KCNQ5: variants seen among roughly 807,000 people sequenced by gnomAD.
The protein encoded by KCNQ5 is potassium voltage-gated channel subfamily KQT member 5.
Under a neutral mutation model 98.2 loss-of-function variants are expected in KCNQ5, and 30 were observed. The ratio of observed to expected loss-of-function variants is 0.31; its 90% CI spans 0.23 to 0.41. The LOEUF is 0.41. KCNQ5 is among the 10% of genes least tolerant of loss of function. KCNQ5 has a pLI of 1.00. For missense variants in KCNQ5, 835 were observed against 1,182.5 expected (o/e 0.71, Z 4.31); for synonymous variants, 458 against 449.4 (o/e 1.02, Z -0.24).
chr6:72,646,645 A>G (rs1765609806), intron 1 of KCNQ5, among the ~76,000 whole-genome samples: 6 of 152,312 alleles, frequency 3.9e-5, no homozygotes, highest in Admixed American at 2.6e-4. Flanking sequence ...TGTTCTGCCA[A>G]TCCAGCCTTG....
At chr6:73,077,527 CA>C (rs1447676089) in intron 4 of KCNQ5, 30 bp downstream of exon 4, 1 of 1,579,874 alleles carries the variant, frequency 6.3e-7, no homozygotes, top group Admixed American at 1.9e-5. Flanking sequence ...TTTAAAAACA[CA>C]ATTTTTGAAA....
chr6:73,178,868 A>C, intron 11 of KCNQ5, among the ~76,000 whole-genome samples: 1 of 152,368 alleles, frequency 6.6e-6, no homozygotes, highest in Middle Eastern at 3.4e-3. Context: ...ATGTATTAAC[A>C]AGAAAACAAC....
intron 9 of KCNQ5, among the ~76,000 whole-genome samples, chr6:73,128,329 T>C (rs1776079020): frequency 6.6e-6 from 1 of 152,252 alleles, no homozygotes; most frequent in Non-Finnish European, 1.5e-5. Context: ...TGGTGGTAAA[T>C]GTGTTTATTG....
chr6:72,682,967 A>G (rs1486452736), intron 1 of KCNQ5, among the ~76,000 whole-genome samples: 2 of 152,094 alleles, frequency 1.3e-5, no homozygotes, highest in Non-Finnish European at 2.9e-5. Flanking sequence ...ATGTCTCACT[A>G]CCTTCTCTGG....
chr6:72,784,474 G>A (rs1773638984), intron 1 of KCNQ5, among the ~76,000 whole-genome samples: 1 of 152,162 alleles, frequency 6.6e-6, no homozygotes, highest in African/African-American at 2.4e-5. Context: ...ATGAGGTAAT[G>A]TATTCACTGC....
intron 1 of KCNQ5, among the ~76,000 whole-genome samples, chr6:72,772,274 A>G (rs1772936872): frequency 1.3e-5 from 2 of 152,160 alleles, no homozygotes; most frequent in Admixed American, 1.3e-4. Flanking sequence ...TGTAGACCTG[A>G]ACTTATAATC....
At chr6:73,126,786 CT>C (rs1452160300) in intron 9 of KCNQ5, among the ~76,000 whole-genome samples, 1 of 152,132 alleles carries the variant, frequency 6.6e-6, no homozygotes, top group African/African-American at 2.4e-5. Flanking sequence ...ATTTCATACA[CT>C]TAGGTGTCCT....
intron 1 of KCNQ5, among the ~76,000 whole-genome samples, chr6:72,721,074 GC>G (rs1412876545): frequency 1.6e-4 from 24 of 152,072 alleles, no homozygotes; most frequent in African/African-American, 5.8e-4. Context: ...TAATGGAAAA[GC>G]TATTTTCCAT....
chr6:72,656,461 T>C (rs1409347656), intron 1 of KCNQ5, among the ~76,000 whole-genome samples: 1 of 152,172 alleles, frequency 6.6e-6, no homozygotes, highest in Non-Finnish European at 1.5e-5. Flanking sequence ...GTTTCCCACA[T>C]AGTAAAGACA....
At chr6:72,859,276 G>C (rs1283526510) in intron 1 of KCNQ5, among the ~76,000 whole-genome samples, 1 of 151,994 alleles carries the variant, frequency 6.6e-6, no homozygotes, top group Admixed American at 6.6e-5. Context: ...ATAATGCCTT[G>C]AGAAAAAATT....
At chr6:72,663,470 G>T (rs1381471236) in intron 1 of KCNQ5, among the ~76,000 whole-genome samples, 1 of 152,098 alleles carries the variant, frequency 6.6e-6, no homozygotes, top group Non-Finnish European at 1.5e-5. Context: ...TATCAACCTG[G>T]TTACCTTAAT....
intron 11 of KCNQ5, among the ~76,000 whole-genome samples, chr6:73,172,316 T>C (rs945117080): frequency 2.6e-5 from 4 of 152,112 alleles, no homozygotes; most frequent in African/African-American, 9.7e-5. Context: ...TGAGCCAAGA[T>C]TGTGCCACTG....
chr6:72,863,201 GA>G (rs1268254474), intron 1 of KCNQ5, among the ~76,000 whole-genome samples: 12 of 151,954 alleles, frequency 7.9e-5, no homozygotes, highest in South Asian at 2.1e-4. Flanking sequence ...AGGCTTCTAG[GA>G]AAAAAACAGC....
intron 1 of KCNQ5, among the ~76,000 whole-genome samples, chr6:72,885,978 C>A (rs1364193896): frequency 6.6e-6 from 1 of 152,054 alleles, no homozygotes; most frequent in Non-Finnish European, 1.5e-5. Flanking sequence ...CTGTGTGTTC[C>A]CCCAAACCTA....
At chr6:73,037,106 A>T (rs566695120) in intron 2 of KCNQ5, among the ~76,000 whole-genome samples, 4 of 152,326 alleles carry the variant, frequency 2.6e-5, no homozygotes, top group African/African-American at 7.2e-5. Flanking sequence ...ATGGCTAATG[A>T]TGTCAAATAA....
Position 72,987,189 on chromosome 6 carries a change from A to G in KCNQ5, c.399-16719A>G, listed in dbSNP as rs1768823455. 8.8e-6 allele frequency: 6 copies of G among 685,638 alleles called. No homozygotes were observed. In the Admixed American group the frequency reaches 9.6e-5, roughly 11 times the overall value. The allele number at this position is 685,638 out of a possible 1,614,324, so 42.5% of individuals were successfully genotyped here. Reference sequence around the variant, plus strand: ...GTCCAAGAAGGTAGAGCAGCCAATCATTGAGGAGCCGGCTCTGAAAAGGAA... The same window carrying G: ...GTCCAAGAAGGTAGAGCAGCCAATCGTTGAGGAGCCGGCTCTGAAAAGGAA... On this transcript the variant is annotated intron_variant, in intron 1 of 13. Transcript: ENST00000370398.
At chr6:72,761,072 G>A (rs1772246967) in intron 1 of KCNQ5, among the ~76,000 whole-genome samples, 1 of 152,094 alleles carries the variant, frequency 6.6e-6, no homozygotes, top group Non-Finnish European at 1.5e-5. Flanking sequence ...GAGGCACCAA[G>A]AATTAAAGGA....
rs545254868 is a variant in KCNQ5, at chr6:73,197,580, T to TACACACACACACAC, written c.*2215_*2228dup. Reference sequence around the variant, plus strand: ...GATTCCCCCTTGCAAGAATGTTGCATACACACACACACACACACACACACA... The same window carrying TACACACACACACAC: ...GATTCCCCCTTGCAAGAATGTTGCATACACACACACACACACACACACACACACACACACACACA... On this transcript the variant is annotated 3_prime_UTR_variant, in exon 14 of 14. Coordinates refer to ENST00000370398, the MANE Select transcript of KCNQ5 (RefSeq NM_019842.4). The TACACACACACACAC allele has an allele frequency of 1.9e-5, 2 of 105,428 alleles. No individual in the cohort carries two copies. The highest frequency in any genetic ancestry group is 4.0e-5 in the Non-Finnish European group (2 of 50,632). 6.5% of individuals were successfully genotyped at this position (105,428 alleles called of 1,614,324 possible).
chr6:72,828,271 A>G (rs1040933267), intron 1 of KCNQ5, among the ~76,000 whole-genome samples: 3 of 152,038 alleles, frequency 2.0e-5, no homozygotes, highest in African/African-American at 7.2e-5. Context: ...GAATAATGTC[A>G]TTGGTATTTT....
Sources: gnomAD v4.1 joint callset for allele counts (sites outside exome capture counted in the v4.1 genomes callset) on GRCh38, gnomAD v4.1.1 for gene constraint, MANE v1.5 for transcripts, NCBI Gene and HGNC (gene_info 2026-07-23, HGNC 2026-07-21) for gene names.